The following SNRPC variants were observed in gnomAD, a reference collection of about 807,000 sequenced individuals.
The protein encoded by SNRPC is U1 small nuclear ribonucleoprotein C.
A neutral mutation model predicts 20.0 loss-of-function variants in SNRPC; 5 were observed. The ratio of observed to expected loss-of-function variants is 0.25; its 90% CI spans 0.13 to 0.53. SNRPC has a LOEUF of 0.53. Among genes scored for constraint, SNRPC ranks in the 20% least tolerant of loss-of-function variants. SNRPC has a pLI of 0.96. For synonymous variants in SNRPC, 61 were observed against 58.7 expected (o/e 1.04, Z -0.18); for missense variants, 112 against 224.1 (o/e 0.50, Z 3.19).
In SNRPC at chr6:34,771,349, A is replaced by AAG. The variant is rs1554122597; in HGVS notation, c.355+954_355+955insAG. ...GTCTCAAAAAAAAAAAAAAAAAAAA[A>AAG]GTGTGTCTAATGATTGGAACACTGT... On this transcript the variant is annotated intron_variant, in intron 5 of 5. Transcript: ENST00000244520. Among the ~76,000 whole-genome samples the AAG allele has an allele frequency of 7.8e-3, 1,100 of 140,876 alleles. 51 individuals are homozygous for AAG. The highest frequency in any genetic ancestry group is 0.027 in the African/African-American group (976 of 36,626). The allele number at this position is 140,876 out of a possible 152,430, so 92.4% of individuals were successfully genotyped here. A position where few individuals can be genotyped will look rare whatever the true frequency, so the allele number is the denominator to read the frequency against.
intron 2 of SNRPC, among the ~76,000 whole-genome samples, chr6:34,761,568 T>C (rs1417264404): frequency 7.0e-6 from 1 of 142,462 alleles, no homozygotes; most frequent in Non-Finnish European, 1.5e-5. Flanking sequence ...TCGCCCAGGT[T>C]GGAGTGCAAT....
At chr6:34,758,005 A>C (rs1439211326) in intron 2 of SNRPC, 51 bp downstream of exon 2, 2 of 1,566,990 alleles carry the variant, frequency 1.3e-6, no homozygotes, top group East Asian at 4.5e-5. Context: ...TGTAATAATT[A>C]AATGAGTTTT....
At chr6:34,757,779 G>C in intron 1 of SNRPC, 133 bp from the exon 2 acceptor site, 1 of 1,587,884 alleles carries the variant, frequency 6.3e-7, no homozygotes, top group East Asian at 2.2e-5. Flanking sequence ...ACGCTTTGAT[G>C]CTTTTGAGTC....
chr6:34,766,235 C>G lies in SNRPC; in HGVS notation c.161-1673C>G, dbSNP rs111811514. Among the ~76,000 whole-genome samples the G allele has an allele frequency of 8.4e-3, 1,278 of 152,050 alleles. 19 individuals carry two copies. Among genetic ancestry groups the G allele is most frequent in the African/African-American group, 0.027 (1,115 of 41,454 alleles). ...ATTTTTTTAGAGATAGAGTCTTACTCTGTCACCCAGGCTGGAGTGCAGTGG... is the reference window on the plus strand; with the variant it reads ...ATTTTTTTAGAGATAGAGTCTTACTGTGTCACCCAGGCTGGAGTGCAGTGG... On this transcript the variant is annotated intron_variant, in intron 3 of 5. Coordinates refer to ENST00000244520, the MANE Select transcript of SNRPC (RefSeq NM_003093.3).
chr6:34,759,558 A>T (rs527791168), intron 2 of SNRPC, among the ~76,000 whole-genome samples: 4 of 152,316 alleles, frequency 2.6e-5, no homozygotes, highest in Non-Finnish European at 5.9e-5. Flanking sequence ...AAAAATTAAT[A>T]ATTTTGTTGC....
chr6:34,767,418 T>G (rs1184632184), intron 3 of SNRPC, among the ~76,000 whole-genome samples: 2 of 152,206 alleles, frequency 1.3e-5, no homozygotes, highest in Non-Finnish European at 2.9e-5. Context: ...CTCAGGAGTT[T>G]GAGACCAGCC....
In SNRPC at chr6:34,773,120, C is replaced by A; in HGVS notation, c.356-326C>A. ...AACATGTGACTTAGTTGTGAATTTC[C>A]CTGAGTGAGAAAAAAAGGTCAGTTT... On this transcript the variant is annotated intron_variant, in intron 5 of 5. Coordinates refer to ENST00000244520, the MANE Select transcript of SNRPC (RefSeq NM_003093.3). The surrounding 1 kb of genome is among the most constrained non-coding windows in gnomAD (Gnocchi z 4.1). The A allele has an allele frequency of 4.3e-6, 1 of 234,938 alleles. No individual in the cohort carries two copies. 14.6% of individuals were successfully genotyped at this position (234,938 alleles called of 1,614,324 possible).
At chr6:34,759,275 CAAAT>C (rs1290902560) in intron 2 of SNRPC, among the ~76,000 whole-genome samples, 6 of 152,100 alleles carry the variant, frequency 3.9e-5, no homozygotes, top group Non-Finnish European at 7.3e-5. Flanking sequence ...CAGTCACTCT[CAAAT>C]AAAAATGGTG....
rs565530186 is a variant in SNRPC, at chr6:34,767,728, C to T, written c.161-180C>T. On this transcript the variant is annotated intron_variant, in intron 3 of 5. Transcript: ENST00000244520. ...TAAACCAATTAACTGCACTTTTAGC[C>T]GGTGAATACCTAAAAATGATTTTAA... Among the ~76,000 whole-genome samples, 12 of 152,166 alleles carry T rather than the reference C, an allele frequency of 7.9e-5. No individual in the cohort carries two copies. In the South Asian group the frequency reaches 8.3e-4, roughly 11 times the overall value.
At chr6:34,757,802 G>C (rs936801417) in intron 1 of SNRPC, 110 bp from the exon 2 acceptor site, 22 of 1,602,604 alleles carry the variant, frequency 1.4e-5, no homozygotes, top group Non-Finnish European at 1.9e-5. Context: ...GAGGCGGTCT[G>C]GCTTTTTGTT....
At chr6:34,770,476 C>A in intron 5 of SNRPC, 81 bp downstream of exon 5, 1 of 892,388 alleles carries the variant, frequency 1.1e-6, no homozygotes, top group South Asian at 1.4e-5. Flanking sequence ...GGAAGGAAGT[C>A]AGTATGTGTA....
At chr6:34,761,457 T>C (rs1020939513) in intron 2 of SNRPC, among the ~76,000 whole-genome samples, 1 of 151,826 alleles carries the variant, frequency 6.6e-6, no homozygotes, top group Non-Finnish European at 1.5e-5. Flanking sequence ...GATTTTGTTA[T>C]TAGGCTTAAG....
intron 4 of SNRPC, among the ~76,000 whole-genome samples, chr6:34,769,399 G>C (rs1276488336): frequency 6.6e-6 from 1 of 151,710 alleles, no homozygotes; most frequent in Non-Finnish European, 1.5e-5. Flanking sequence ...TGCCATGTTG[G>C]CCAGGCTGGT....
intron 3 of SNRPC, among the ~76,000 whole-genome samples, chr6:34,763,841 C>G (rs1020459136): frequency 2.0e-5 from 3 of 150,490 alleles, no homozygotes; most frequent in African/African-American, 7.3e-5. Context: ...CTCAGCCTCC[C>G]GAGTAGCTGG....
chr6:34,758,056 G>A, intron 2 of SNRPC, 102 bp downstream of exon 2: 1 of 1,230,176 alleles, frequency 8.1e-7, no homozygotes, highest in Non-Finnish European at 1.1e-6. Flanking sequence ...CCCACCTGCT[G>A]AGGTTTAAGG....
At chr6:34,757,743 CA>C (rs982731604) in intron 1 of SNRPC, 168 bp from the exon 2 acceptor site, 65 of 1,521,380 alleles carry the variant, frequency 4.3e-5, no homozygotes, top group Non-Finnish European at 5.3e-5. Context: ...CTTAAGGCAA[CA>C]AAAAAAAGCC....
In SNRPC at chr6:34,773,250, T is replaced by C. The variant is rs1413265125; in HGVS notation, c.356-196T>C. On this transcript the variant is annotated intron_variant, in intron 5 of 5. Coordinates refer to ENST00000244520, the MANE Select transcript of SNRPC (RefSeq NM_003093.3). The surrounding 1 kb of genome is among the most constrained non-coding windows in gnomAD (Gnocchi z 4.1). ...CATATGGTTCTTGTGTTGACCTTTT[T>C]GTTTTTTGTTTGAGAATGTCTAAGT... Among the ~76,000 whole-genome samples the C allele has an allele frequency of 6.6e-6, 1 of 152,234 alleles. No individual in the cohort carries two copies. The highest frequency in any genetic ancestry group is 1.5e-5 in the Non-Finnish European group (1 of 68,044).
Position 34,760,055 on chromosome 6 carries a change from G to A in SNRPC, c.51+2101G>A, listed in dbSNP as rs550241124. On this transcript the variant is annotated intron_variant, in intron 2 of 5. Coordinates refer to ENST00000244520, the MANE Select transcript of SNRPC (RefSeq NM_003093.3). ...GTAGTACAGCATTAATAGAGATGTG[G>A]AACATTTAAGTTGGGTGGTTCCTCT... 4.6e-5 allele frequency among the ~76,000 whole-genome samples: 7 copies of A among 151,638 alleles called. No homozygotes were observed. The South Asian group carries it at 1.5e-3, about 32-fold the overall frequency.
At chr6:34,767,256 A>G (rs561355006) in intron 3 of SNRPC, among the ~76,000 whole-genome samples, 2 of 152,362 alleles carry the variant, frequency 1.3e-5, no homozygotes, top group South Asian at 4.1e-4. Context: ...TTTTCAAACA[A>G]AACTATGAAT....
Sources: gnomAD v4.1 joint callset for allele counts (sites outside exome capture counted in the v4.1 genomes callset) on GRCh38, gnomAD v4.1.1 for gene constraint, Gnocchi (gnomAD v3.1) non-coding constraint, MANE v1.5 for transcripts, NCBI Gene and HGNC (gene_info 2026-07-23, HGNC 2026-07-21) for gene names.